PTPN12: variants seen among roughly 807,000 people sequenced by gnomAD.
PTPN12 encodes protein tyrosine phosphatase non-receptor type 12, also known as tyrosine-protein phosphatase non-receptor type 12.
In PTPN12, 29 loss-of-function variants were observed where a neutral mutation model predicts 97.6. The observed-to-expected ratio is 0.30, with a 90% CI of 0.22 to 0.41. The LOEUF (loss-of-function observed/expected upper bound fraction) is 0.41, where lower values mean the gene tolerates loss of function less well. Ranked by LOEUF, PTPN12 falls within the 10% of genes least tolerant of loss-of-function variation. PTPN12 has a pLI of 1.00. For synonymous variants in PTPN12, 327 were observed against 300.4 expected (o/e 1.09, Z -0.91); for missense variants, 819 against 926.0 (o/e 0.88, Z 1.50).
At chr7:77,549,497 A>T (rs1256086552) in intron 1 of PTPN12, among the ~76,000 whole-genome samples, 1 of 152,112 alleles carries the variant, frequency 6.6e-6, no homozygotes, top group East Asian at 1.9e-4. Flanking sequence ...ATGGTACCTA[A>T]ATTTAAATTA....
chr7:77,587,366 C>T (rs1419979647), intron 5 of PTPN12, among the ~76,000 whole-genome samples: 2 of 148,890 alleles, frequency 1.3e-5, no homozygotes, highest in African/African-American at 2.5e-5. Context: ...GCGTTGTAAA[C>T]GGAAATATTT....
At chr7:77,589,674 C>T (rs1046104901) in intron 5 of PTPN12, among the ~76,000 whole-genome samples, 1 of 151,788 alleles carries the variant, frequency 6.6e-6, no homozygotes, top group African/African-American at 2.4e-5. Context: ...TAATGTTGGA[C>T]AGAAAGTGAA....
At chr7:77,627,734 G>C (rs1562761894) in intron 13 of PTPN12, 59 bp downstream of exon 13, 2 of 1,430,010 alleles carry the variant, frequency 1.4e-6, no homozygotes, top group East Asian at 2.4e-5. Flanking sequence ...ACTGTTTTAA[G>C]CACTTTAGCT....
chr7:77,583,330 C>T (rs571230490), intron 3 of PTPN12, among the ~76,000 whole-genome samples: 1 of 152,258 alleles, frequency 6.6e-6, no homozygotes, highest in South Asian at 2.1e-4. Flanking sequence ...AATACCTATT[C>T]TGTGCACCAT....
At chr7:77,567,528 AT>A (rs541871725) in intron 1 of PTPN12, among the ~76,000 whole-genome samples, 1 of 152,048 alleles carries the variant, frequency 6.6e-6, no homozygotes. Context: ...TTATCATGGG[AT>A]TTTTTTTAAA....
intron 1 of PTPN12, among the ~76,000 whole-genome samples, chr7:77,554,761 C>A (rs1807627945): frequency 6.6e-6 from 1 of 152,204 alleles, no homozygotes. Flanking sequence ...CACACTGCAG[C>A]CTTGACCTGC....
Position 77,583,546 on chromosome 7 carries a change from C to T in PTPN12, c.286-9C>T, listed in dbSNP as rs1787590561. 3 of 1,568,646 alleles carry T rather than the reference C, an allele frequency of 1.9e-6. No individual in the cohort carries two copies. The highest frequency in any genetic ancestry group is 3.9e-5 in the Admixed American group (2 of 51,206). On this transcript the variant is annotated splice_polypyrimidine_tract_variant and intron_variant, in intron 3 of 17. Coordinates refer to ENST00000248594, the MANE Select transcript of PTPN12 (RefSeq NM_002835.4). ...AATAAATGTGAAATTTGCTTTTAAC[C>T]ATTTTTAGGGCGTCTATGGGCCAAA... is the stretch of plus-strand genomic sequence containing the variant.
intron 1 of PTPN12, among the ~76,000 whole-genome samples, chr7:77,568,497 G>T (rs555402787): frequency 2.0e-4 from 30 of 152,204 alleles, no homozygotes; most frequent in Middle Eastern, 3.4e-3. Flanking sequence ...ATAATAATTA[G>T]CTGGGCATGG....
intron 12 of PTPN12, among the ~76,000 whole-genome samples, chr7:77,621,418 C>G (rs1408550181): frequency 6.6e-6 from 1 of 152,138 alleles, no homozygotes; most frequent in African/African-American, 2.4e-5. Context: ...CCTGTAATCC[C>G]AGCATTTTGG....
chr7:77,637,047 T>C lies in PTPN12; in HGVS notation c.2172T>C (p.Cys724=). The part of the protein sequence containing the change: ...EGLITSENEK[C]DHPAGGIHYE... ...TGATAACCTCTGAAAATGAGAAATG[T>C]GGTAAGTTGTTAGATTTTTTTTTTC... The change falls in exon 16 of 18, where the codon TGT becomes TGC. Residue 724 remains cysteine, a splice_region_variant and synonymous_variant. Coordinates refer to ENST00000248594, the MANE Select transcript of PTPN12 (RefSeq NM_002835.4). 1 of 1,606,884 alleles carries C rather than the reference T, an allele frequency of 6.2e-7. No homozygotes were observed. Among genetic ancestry groups the C allele is most frequent in the East Asian group, 2.2e-5 (1 of 44,676 alleles).
intron 4 of PTPN12, among the ~76,000 whole-genome samples, chr7:77,584,481 G>A (rs886391897): frequency 1.3e-5 from 2 of 152,180 alleles, no homozygotes; most frequent in Non-Finnish European, 2.9e-5. Context: ...GCACAGATGT[G>A]TGTATTTGTC....
At chr7:77,614,151 C>G (rs1011310587) in intron 11 of PTPN12, among the ~76,000 whole-genome samples, 3 of 152,198 alleles carry the variant, frequency 2.0e-5, no homozygotes, top group Admixed American at 1.3e-4. Context: ...TCCCAAAGCA[C>G]TGAGATTACA....
chr7:77,634,167 T>C (rs1254113428), intron 14 of PTPN12, among the ~76,000 whole-genome samples: 1 of 117,758 alleles, frequency 8.5e-6, no homozygotes, highest in African/African-American at 3.8e-5. Context: ...ACCACTGTAC[T>C]CCAGTTTGGT....
At chr7:77,544,051 C>T (rs966832499) in intron 1 of PTPN12, among the ~76,000 whole-genome samples, 15 of 152,186 alleles carry the variant, frequency 9.9e-5, no homozygotes, top group African/African-American at 3.6e-4. Context: ...TGCTCAGTCA[C>T]GTGGTAACAC....
chr7:77,537,980 G>GT (rs1554306788), intron 1 of PTPN12: 54 of 726,656 alleles, frequency 7.4e-5, no homozygotes, highest in Admixed American at 2.0e-4. Flanking sequence ...GTGCAGGCCG[G>GT]GGGGGGGGGC....
intron 1 of PTPN12, among the ~76,000 whole-genome samples, chr7:77,539,736 C>G (rs907044584): frequency 6.6e-6 from 1 of 152,152 alleles, no homozygotes. Context: ...TCAAGCGATG[C>G]TCCTGCCTCA....
intron 12 of PTPN12, among the ~76,000 whole-genome samples, chr7:77,625,472 G>GCTTGCGCGCTCTCTCTCTCTCTCTCTCT (rs1554326598): frequency 3.0e-5 from 1 of 33,522 alleles, no homozygotes; most frequent in African/African-American, 1.3e-4. Flanking sequence ...CAGGCTGCTC[G>GCTTGCGCGCTCTCTCTCTCTCTCTCTCT]CTCTCTCTCT....
intron 16 of PTPN12, among the ~76,000 whole-genome samples, chr7:77,637,313 TTC>T (rs1187010607): frequency 6.6e-6 from 1 of 152,162 alleles, no homozygotes; most frequent in East Asian, 1.9e-4. Context: ...AAAAATATTT[TTC>T]TGTTTTTTAT....
intron 11 of PTPN12, among the ~76,000 whole-genome samples, chr7:77,616,597 G>A (rs1562752526): frequency 6.6e-6 from 1 of 152,124 alleles, no homozygotes; most frequent in Non-Finnish European, 1.5e-5. Context: ...GAGTTTATGT[G>A]TGCTACAAAA....
Sources: allele counts gnomAD v4.1 joint callset (sites outside exome capture counted in the v4.1 genomes callset), GRCh38; gene constraint gnomAD v4.1.1; transcripts MANE v1.5; gene names NCBI Gene and HGNC (gene_info 2026-07-23, HGNC 2026-07-21).